TC2N: variants seen among roughly 807,000 people sequenced by gnomAD.
TC2N encodes the protein tandem C2 domains, nuclear.
A neutral mutation model predicts 61.9 loss-of-function variants in TC2N; 51 were observed. That is an observed-to-expected ratio of 0.82 (90% CI 0.66 to 1.04). The LOEUF is 1.04. Among genes scored for constraint, TC2N ranks in the 50% least tolerant of loss-of-function variants. The pLI is 0.00. For missense variants in TC2N, 556 were observed against 566.7 expected (o/e 0.98, Z 0.19); for synonymous variants, 204 against 192.6 (o/e 1.06, Z -0.49).
intron 1 of TC2N, among the ~76,000 whole-genome samples, chr14:91,827,191 A>AT (rs1185694862): frequency 1.3e-5 from 2 of 151,824 alleles, no homozygotes; most frequent in Non-Finnish European, 1.5e-5. Flanking sequence ...TATGATCTTC[A>AT]TTTTTTTCCC....
chr14:91,804,135 G>A (rs1037614352), intron 3 of TC2N, among the ~76,000 whole-genome samples: 1 of 152,108 alleles, frequency 6.6e-6, no homozygotes, highest in Non-Finnish European at 1.5e-5. Context: ...AAAACCCAAG[G>A]AAATACCACT....
intron 1 of TC2N, among the ~76,000 whole-genome samples, chr14:91,859,925 TA>T (rs1470190727): frequency 6.6e-6 from 1 of 152,094 alleles, no homozygotes; most frequent in Non-Finnish European, 1.5e-5. Flanking sequence ...GGGAAAGTGG[TA>T]GGAGCTGGAA....
chr14:91,799,161 GCTAA>G (rs1886085201), intron 5 of TC2N, 97 bp from the exon 6 acceptor site: 2 of 723,050 alleles, frequency 2.8e-6, no homozygotes. Flanking sequence ...CAAACTGCAT[GCTAA>G]CTATTTTGAC....
At chr14:91,847,950 T>C (rs1888301502) in intron 1 of TC2N, among the ~76,000 whole-genome samples, 1 of 152,220 alleles carries the variant, frequency 6.6e-6, no homozygotes, top group South Asian at 2.1e-4. Context: ...TAAATCTAGT[T>C]CCATTTGTGG....
At chr14:91,858,996 A>C (rs890239145) in intron 1 of TC2N, among the ~76,000 whole-genome samples, 3 of 152,208 alleles carry the variant, frequency 2.0e-5, no homozygotes, top group African/African-American at 7.2e-5. Context: ...AGATGAAAAC[A>C]TCCTAGTGAT....
chr14:91,819,765 CG>C (rs1887163641), intron 1 of TC2N, among the ~76,000 whole-genome samples: 1 of 151,658 alleles, frequency 6.6e-6, no homozygotes, highest in Admixed American at 6.6e-5. Flanking sequence ...GCACAAAGGC[CG>C]GGGGAGAAAT....
intron 1 of TC2N, among the ~76,000 whole-genome samples, chr14:91,859,351 C>T (rs75721606): frequency 0.036 from 5,517 of 152,202 alleles, 271 homozygotes; most frequent in African/African-American, 0.1. Flanking sequence ...TTCCCCTCTA[C>T]CAAAACTCCT....
rs2139906569 is a variant in TC2N at position 91,837,778 on chromosome 14, G to A, written c.-56-23953C>T. Among the ~76,000 whole-genome samples the A allele has an allele frequency of 6.6e-6, 1 of 152,298 alleles. No individual in the cohort carries two copies. Among genetic ancestry groups the A allele is most frequent in the East Asian group, 1.9e-4 (1 of 5,192 alleles). On this transcript the variant is annotated intron_variant, in intron 1 of 11. Coordinates refer to ENST00000435962, the MANE Select transcript of TC2N (RefSeq NM_001128596.3). The surrounding 1 kb of genome is among the most constrained non-coding windows in gnomAD (Gnocchi z 4.2). ...ACCATGTTTTACTTTCTTTGATCCT[G>A]CATCTCCCAAATGTGTTTGACCATA...
At chr14:91,792,647 G>A in intron 8 of TC2N, 89 bp from the exon 9 acceptor site, 1 of 587,352 alleles carries the variant, frequency 1.7e-6, no homozygotes, top group Non-Finnish European at 2.6e-6. Flanking sequence ...ATTTAGGAAA[G>A]GTATATTCAA....
intron 1 of TC2N, among the ~76,000 whole-genome samples, chr14:91,841,475 T>C (rs1461207810): frequency 6.6e-6 from 1 of 152,214 alleles, no homozygotes; most frequent in East Asian, 1.9e-4. Context: ...CCACTCCCTC[T>C]GAAGATCCTC....
intron 3 of TC2N, among the ~76,000 whole-genome samples, chr14:91,810,707 A>G (rs1410551586): frequency 1.3e-5 from 2 of 152,192 alleles, no homozygotes; most frequent in East Asian, 3.8e-4. Context: ...GAAATCTATA[A>G]CAAAGAACCA....
At chr14:91,805,450 C>T (rs11628554) in intron 3 of TC2N, among the ~76,000 whole-genome samples, 3,455 of 152,270 alleles carry the variant, frequency 0.023, 61 homozygotes, top group Non-Finnish European at 0.036. Context: ...GGGCAGATCA[C>T]GAGGTTAAGA....
intron 3 of TC2N, among the ~76,000 whole-genome samples, chr14:91,806,943 C>G (rs954620642): frequency 3.3e-5 from 5 of 152,222 alleles, no homozygotes; most frequent in Non-Finnish European, 5.9e-5. Flanking sequence ...CAGGGCCCCC[C>G]TGTTGTGTGC....
At chr14:91,834,453 TTC>T (rs548268243) in intron 1 of TC2N, among the ~76,000 whole-genome samples, 116 of 152,280 alleles carry the variant, frequency 7.6e-4, no homozygotes, top group African/African-American at 2.7e-3. Context: ...TCATCCTTAT[TTC>T]TCTTTTTTCT....
intron 9 of TC2N, among the ~76,000 whole-genome samples, chr14:91,790,339 A>G (rs541480004): frequency 6.6e-6 from 1 of 152,318 alleles, no homozygotes; most frequent in South Asian, 2.1e-4. Flanking sequence ...TGGATGGGAA[A>G]GTACGGCTCT....
At chr14:91,801,883 A>G (rs2139845467) in intron 4 of TC2N, among the ~76,000 whole-genome samples, 1 of 152,322 alleles carries the variant, frequency 6.6e-6, no homozygotes, top group South Asian at 2.1e-4. Context: ...CACAGTTATC[A>G]CTTTTGAATG....
At position 91,792,520 on chromosome 14, in the gene TC2N, T is replaced by C. The variant is rs767194145; in HGVS notation, c.894A>G (p.Lys298=). ...GTCTTACAGTTTGTAGATTTTGAAG[T>C]TTAATAGCAAATACAAACGTTTCCA... ...EFMETFVFAI[K]LQNLQTVRLV... The change falls in exon 9 of 12, where the codon AAA becomes AAG. Residue 298 remains lysine (K), a synonymous_variant. Coordinates refer to ENST00000435962, the MANE Select transcript of TC2N (RefSeq NM_001128596.3). 54 of 1,595,068 alleles carry C rather than the reference T, an allele frequency of 3.4e-5. No individual in the cohort carries two copies. The highest frequency in any genetic ancestry group is 4.4e-5 in the Non-Finnish European group (51 of 1,168,474).
chr14:91,788,796 A>C (rs1413552563), intron 9 of TC2N, among the ~76,000 whole-genome samples: 2 of 152,228 alleles, frequency 1.3e-5, no homozygotes, highest in Non-Finnish European at 2.9e-5. Flanking sequence ...GTACAAACTC[A>C]ACTGTTGGAA....
Position 91,813,294 on chromosome 14 carries a change from T to C in TC2N, c.67+409A>G, listed in dbSNP as rs1356428755. On this transcript the variant is annotated intron_variant, in intron 2 of 11. Transcript: ENST00000435962. ...AGGCATTTTTAATGTTATACACATA[T>C]TGTAGATTGTCTTTATTTAAATCAA... is the stretch of plus-strand genomic sequence containing the variant. Among the ~76,000 whole-genome samples, 3 of 151,800 alleles carry C rather than the reference T, an allele frequency of 2.0e-5. No individual in the cohort carries two copies. The South Asian group carries it at 6.2e-4, about 31-fold the overall frequency.
Sources: allele counts gnomAD v4.1 joint callset (sites outside exome capture counted in the v4.1 genomes callset), GRCh38; gene constraint gnomAD v4.1.1; non-coding constraint Gnocchi (gnomAD v3.1); transcripts MANE v1.5; gene names NCBI Gene and HGNC (gene_info 2026-07-23, HGNC 2026-07-21).